Variants in TIGAR observed in about 807,000 individuals in gnomAD.
TIGAR encodes the protein TP53 induced glycolysis regulatory phosphatase, also known as fructose-2,6-bisphosphatase TIGAR.
Under a neutral mutation model 17.9 loss-of-function variants are expected in TIGAR, and 7 were observed. The observed-to-expected ratio is 0.39, with a 90% CI of 0.22 to 0.73. The LOEUF is 0.73. TIGAR is among the 30% of genes least tolerant of loss of function. The probability of loss-of-function intolerance (pLI) is 0.42; values close to 1 mark genes in which losing one functional copy is unlikely to be tolerated. For synonymous variants in TIGAR, 94 were observed against 108.6 expected (o/e 0.87, Z 0.84); for missense variants, 258 against 327.4 (o/e 0.79, Z 1.64).
At chr12:4,333,584 T>C (rs2120660296) in intron 2 of TIGAR, among the ~76,000 whole-genome samples, 1 of 152,306 alleles carries the variant, frequency 6.6e-6, no homozygotes, top group South Asian at 2.1e-4. Context: ...TTCTCCTGTC[T>C]CAGCCTCCTG....
At chr12:4,327,173 C>T (rs998261729) in intron 1 of TIGAR, among the ~76,000 whole-genome samples, 1 of 152,086 alleles carries the variant, frequency 6.6e-6, no homozygotes, top group Non-Finnish European at 1.5e-5. Flanking sequence ...CTTTGGGAGG[C>T]CGAGGCAGGA....
intron 3 of TIGAR, among the ~76,000 whole-genome samples, 161 bp from the exon 4 acceptor site, chr12:4,349,657 TC>T (rs1201904560): frequency 6.6e-6 from 1 of 152,136 alleles, no homozygotes; most frequent in Non-Finnish European, 1.5e-5. Flanking sequence ...GACCTCATGA[TC>T]CACCCGCCTC....
rs576460696 is a variant in TIGAR at position 4,355,237 on chromosome 12, A to C, written c.*2546A>C. Among the ~76,000 whole-genome samples, 6 of 150,676 alleles carry C rather than the reference A, an allele frequency of 4.0e-5. No homozygotes were observed. The highest frequency in any genetic ancestry group is 7.4e-5 in the Non-Finnish European group (5 of 67,554). ...TTTTATAGTATAAGGTAAGAATTTA[A>C]TTTTTTTTTTCATGTGGTTGAAACA... is the stretch of plus-strand genomic sequence containing the variant. On this transcript the variant is annotated 3_prime_UTR_variant, in exon 6 of 6. Coordinates refer to ENST00000179259, the MANE Select transcript of TIGAR (RefSeq NM_020375.3).
chr12:4,341,343 C>T (rs1260789603), intron 3 of TIGAR, among the ~76,000 whole-genome samples: 7 of 152,158 alleles, frequency 4.6e-5, no homozygotes, highest in Non-Finnish European at 8.8e-5. Context: ...GTGAGCGACG[C>T]AGAAGACGGG....
chr12:4,326,927 A>G (rs1368218764), intron 1 of TIGAR, among the ~76,000 whole-genome samples: 1 of 152,176 alleles, frequency 6.6e-6, no homozygotes, highest in Non-Finnish European at 1.5e-5. Flanking sequence ...CCTCATTTCA[A>G]AATGAGGGTG....
Position 4,336,446 on chromosome 12 carries a change from GCACACACACACACA to G in TIGAR, c.71-557_71-544del, listed in dbSNP as rs10595001. ...TATGTTCTGTGGGCCCAGCAATGCA[GCACACACACACACA>G]CACACACACACACACACACACACAC... On this transcript the variant is annotated intron_variant, in intron 2 of 5. Coordinates refer to ENST00000179259, the MANE Select transcript of TIGAR (RefSeq NM_020375.3). Among the ~76,000 whole-genome samples, 507 of 138,560 alleles carry G rather than the reference GCACACACACACACA, an allele frequency of 3.7e-3. 1 individual carries two copies. The highest frequency in any genetic ancestry group is 5.6e-3 in the African/African-American group (208 of 36,976). The allele number at this position is 138,560 out of a possible 152,430, so 90.9% of individuals were successfully genotyped here.
At chr12:4,331,377 T>G in intron 2 of TIGAR, 60 bp downstream of exon 2, 2 of 1,543,740 alleles carry the variant, frequency 1.3e-6, no homozygotes, top group Non-Finnish European at 1.8e-6. Context: ...ATGTGTGAGT[T>G]AAGCAGATTT....
rs557117969 is a variant in TIGAR at position 4,358,377 on chromosome 12, G to A, written c.*5686G>A. Among the ~76,000 whole-genome samples the A allele has an allele frequency of 1.3e-5, 2 of 152,082 alleles. No homozygotes were observed. Among genetic ancestry groups the A allele is most frequent in the Admixed American group, 1.3e-4 (2 of 15,280 alleles). ...GTAATGTGTATGTGCGTGTGTTTTG[G>A]TAATCTTTTATCTTGGATTTATCAA... On this transcript the variant is annotated 3_prime_UTR_variant, in exon 6 of 6. Transcript: ENST00000179259.
intron 2 of TIGAR, 41 bp from the exon 3 acceptor site, chr12:4,336,998 T>C: frequency 1.3e-6 from 2 of 1,540,068 alleles, no homozygotes; most frequent in Non-Finnish European, 1.8e-6. Flanking sequence ...CTCTGATATG[T>C]AGTTTTGAAT....
In TIGAR at chr12:4,351,276, GT is replaced by G. The variant is rs1864835026; in HGVS notation, c.282del (p.Val95Ter). On this transcript the variant is annotated frameshift_variant, in exon 5 of 6. Transcript: ENST00000179259. LOFTEE classifies it high-confidence loss of function. Reference protein sequence around the residue: ...DSRLRERKYGVVEGKALSELR... With the variant: ...DSRLRERKYGXVEGKALSELR... ...TATTGGACTGTTTCAGAAATACGGGGTTGTAGAAGGCAAAGCGCTAAGTGAG... is the reference window on the plus strand; with the variant it reads ...TATTGGACTGTTTCAGAAATACGGGGTGTAGAAGGCAAAGCGCTAAGTGAG... The G allele has an allele frequency of 6.2e-7, 1 of 1,613,956 alleles. No homozygotes were observed. Among genetic ancestry groups the G allele is most frequent in the Admixed American group, 1.7e-5 (1 of 59,994 alleles).
chr12:4,332,455 G>T (rs1384378109), intron 2 of TIGAR, among the ~76,000 whole-genome samples: 1 of 152,074 alleles, frequency 6.6e-6, no homozygotes, highest in Non-Finnish European at 1.5e-5. Context: ...TGTTGGCCAG[G>T]CTGGTCTTGA....
intron 1 of TIGAR, among the ~76,000 whole-genome samples, chr12:4,329,289 T>C (rs961949505): frequency 6.6e-6 from 1 of 151,118 alleles, no homozygotes; most frequent in Non-Finnish European, 1.5e-5. Flanking sequence ...GGGTTGTTTA[T>C]AATCTGTTGC....
intron 1 of TIGAR, among the ~76,000 whole-genome samples, chr12:4,327,894 C>T (rs1368350185): frequency 6.6e-6 from 1 of 152,086 alleles, no homozygotes; most frequent in African/African-American, 2.4e-5. Flanking sequence ...TCTCAAACTC[C>T]TGACCTCATG....
intron 1 of TIGAR, chr12:4,324,331 T>C: frequency 1.4e-6 from 1 of 737,624 alleles, no homozygotes; most frequent in East Asian, 2.7e-5. Flanking sequence ...TCCTTTTTTT[T>C]TTTTTTTTTG....
In TIGAR at chr12:4,324,524, C is replaced by T. The variant is rs1591658130; in HGVS notation, c.32+3221C>T. ...TGGTTGAAGGTCTTGCCGTTGTAGA[C>T]GCCCACCATGCTGCCCACCATCTTG... On this transcript the variant is annotated intron_variant, in intron 1 of 5. Coordinates refer to ENST00000179259, the MANE Select transcript of TIGAR (RefSeq NM_020375.3). 1.6e-5 allele frequency: 25 copies of T among 1,609,524 alleles called. 1 individual carries two copies. The highest frequency in any genetic ancestry group is 4.5e-5 in the East Asian group (2 of 44,820).
At position 4,359,107 on chromosome 12, in the gene TIGAR, G is replaced by GTTTT. The variant is rs11445611; in HGVS notation, c.*6423_*6426dup. 6.7e-6 allele frequency among the ~76,000 whole-genome samples: 1 copy of GTTTT among 148,698 alleles called. No homozygotes were observed. Among genetic ancestry groups the GTTTT allele is most frequent in the Non-Finnish European group, 1.5e-5 (1 of 67,238 alleles). ...CCTTTATTGTTTATTTTCTGACTCT[G>GTTTT]TTTTTTTTTTCTTTAGCCAACTCAC... On this transcript the variant is annotated 3_prime_UTR_variant, in exon 6 of 6. Coordinates refer to ENST00000179259, the MANE Select transcript of TIGAR (RefSeq NM_020375.3).
Position 4,321,280 on chromosome 12 carries a change from C to G in TIGAR, c.9C>G (p.Arg3=). Residue 3 remains arginine (R), a synonymous_variant, in exon 1 of 6, where the codon CGC becomes CGG. Coordinates refer to ENST00000179259, the MANE Select transcript of TIGAR (RefSeq NM_020375.3). The surrounding 1 kb of genome is among the most constrained non-coding windows in gnomAD (Gnocchi z 5.2). Reference sequence around the variant, plus strand: ...GACGCGGCTCCGGGAACATGGCTCGCTTCGCTCTGACTGTTGTCCGGCAGT... The same window carrying G: ...GACGCGGCTCCGGGAACATGGCTCGGTTCGCTCTGACTGTTGTCCGGCAGT... MA[R]FALTVVRHGE... is the part of the protein sequence containing the mutation. 1 of 1,601,292 alleles carries G rather than the reference C, an allele frequency of 6.2e-7. No homozygotes were observed. Among genetic ancestry groups the G allele is most frequent in the Non-Finnish European group, 8.5e-7 (1 of 1,179,820 alleles).
intron 1 of TIGAR, among the ~76,000 whole-genome samples, chr12:4,328,628 G>C (rs187158338): frequency 4.0e-4 from 60 of 148,822 alleles, no homozygotes; most frequent in African/African-American, 1.4e-3. Context: ...CCAGGCTGAA[G>C]TGCAGTGGCA....
rs889158024 is a variant in TIGAR, at chr12:4,359,838, A to G, written c.*7147A>G. ...TTCATGCTTATCAACAATGAGTTCT[A>G]GGTGCTTCACATCCTTGCCAACATT... On this transcript the variant is annotated 3_prime_UTR_variant, in exon 6 of 6. Coordinates refer to ENST00000179259, the MANE Select transcript of TIGAR (RefSeq NM_020375.3). 6.6e-6 allele frequency among the ~76,000 whole-genome samples: 1 copy of G among 152,126 alleles called. No individual in the cohort carries two copies. Among genetic ancestry groups the G allele is most frequent in the African/African-American group, 2.4e-5 (1 of 41,420 alleles).
Sources: gnomAD v4.1 joint callset for allele counts (sites outside exome capture counted in the v4.1 genomes callset) on GRCh38, gnomAD v4.1.1 for gene constraint, Gnocchi (gnomAD v3.1) non-coding constraint, MANE v1.5 for transcripts, NCBI Gene and HGNC (gene_info 2026-07-23, HGNC 2026-07-21) for gene names.